DENND1A: variants seen among roughly 807,000 people sequenced by gnomAD.
DENND1A encodes the protein DENN domain-containing protein 1A.
Under a neutral mutation model 113.7 loss-of-function variants are expected in DENND1A, and 51 were observed. The observed-to-expected ratio is 0.45, with a 90% confidence interval of 0.36 to 0.57. DENND1A has a LOEUF of 0.57. Among genes scored for constraint, DENND1A ranks in the 20% least tolerant of loss-of-function variants. The probability of loss-of-function intolerance (pLI) is 0.00; values close to 1 mark genes in which losing one functional copy is unlikely to be tolerated. For synonymous variants in DENND1A, 565 were observed against 570.8 expected (o/e 0.99, Z 0.14); for missense variants, 1,258 against 1,395.9 (o/e 0.90, Z 1.57).
chr9:123,654,782 C>A (rs1022873334), intron 8 of DENND1A, among the ~76,000 whole-genome samples: 4 of 152,250 alleles, frequency 2.6e-5, no homozygotes, highest in Admixed American at 6.5e-5. Flanking sequence ...TCCTCCCCTG[C>A]CTCTTTCCTT....
At chr9:123,722,303 A>G (rs945791648) in intron 5 of DENND1A, among the ~76,000 whole-genome samples, 1 of 152,264 alleles carries the variant, frequency 6.6e-6, no homozygotes, top group African/African-American at 2.4e-5. Context: ...AAAGGCATTC[A>G]GTTTTAAAAG....
intron 1 of DENND1A, among the ~76,000 whole-genome samples, chr9:123,914,008 T>C (rs1854590950): frequency 6.6e-6 from 1 of 151,356 alleles, no homozygotes; most frequent in Non-Finnish European, 1.5e-5. Flanking sequence ...CCGAGAACTA[T>C]ACCACACATA....
intron 19 of DENND1A, among the ~76,000 whole-genome samples, chr9:123,412,557 GAACA>G (rs1243058958): frequency 1.3e-5 from 2 of 152,360 alleles, no homozygotes; most frequent in East Asian, 3.9e-4. Flanking sequence ...AGCGTCTGAT[GAACA>G]AATAAAATTT....
intron 21 of DENND1A, among the ~76,000 whole-genome samples, chr9:123,389,670 G>T (rs10985997): frequency 0.12 from 17,582 of 152,292 alleles, 1,229 homozygotes; most frequent in East Asian, 0.28. Context: ...TCTTGCTGCA[G>T]TTGGTGGTAT....
At chr9:123,829,742 G>A (rs572978409) in intron 2 of DENND1A, among the ~76,000 whole-genome samples, 3 of 152,210 alleles carry the variant, frequency 2.0e-5, no homozygotes, top group Non-Finnish European at 4.4e-5. Flanking sequence ...CATGTTTAAT[G>A]GAGAAAACTA....
At chr9:123,660,472 T>A (rs2063176717) in intron 8 of DENND1A, among the ~76,000 whole-genome samples, 1 of 151,984 alleles carries the variant, frequency 6.6e-6, no homozygotes. Context: ...AAAAACTTCC[T>A]AATCTCAATT....
intron 21 of DENND1A, among the ~76,000 whole-genome samples, chr9:123,393,439 G>T (rs1381567806): frequency 1.3e-5 from 2 of 152,072 alleles, no homozygotes; most frequent in African/African-American, 4.8e-5. Context: ...AGGAATCTCT[G>T]AAGTTCCAGC....
chr9:123,501,033 A>G (rs12236873), intron 13 of DENND1A, among the ~76,000 whole-genome samples: 38,703 of 152,106 alleles, frequency 0.25, 4,926 homozygotes, highest in South Asian at 0.29. Flanking sequence ...CATTATCACC[A>G]TCTATCTCCA....
chr9:123,450,224 C>G (rs1320754979), intron 18 of DENND1A, among the ~76,000 whole-genome samples: 1 of 152,160 alleles, frequency 6.6e-6, no homozygotes, highest in Non-Finnish European at 1.5e-5. Flanking sequence ...GGTAAGCCCA[C>G]GGCATTCTGC....
At chr9:123,781,617 C>A (rs1056990325) in intron 3 of DENND1A, among the ~76,000 whole-genome samples, 1 of 152,080 alleles carries the variant, frequency 6.6e-6, no homozygotes, top group African/African-American at 2.4e-5. Context: ...ACTTTTCCTG[C>A]CAATTCTACA....
At chr9:123,613,459 C>A (rs1219163319) in intron 10 of DENND1A, among the ~76,000 whole-genome samples, 1 of 152,176 alleles carries the variant, frequency 6.6e-6, no homozygotes, top group Non-Finnish European at 1.5e-5. Flanking sequence ...AAACCAAAAT[C>A]CATCTACTAG....
At chr9:123,453,252 T>C (rs1045272727) in intron 16 of DENND1A, among the ~76,000 whole-genome samples, 1 of 152,110 alleles carries the variant, frequency 6.6e-6, no homozygotes, top group Non-Finnish European at 1.5e-5. Context: ...ACGGCTGTAA[T>C]GGCTGTGTGC....
intron 19 of DENND1A, among the ~76,000 whole-genome samples, chr9:123,415,018 C>T (rs1281495658): frequency 1.3e-5 from 2 of 152,160 alleles, no homozygotes; most frequent in Non-Finnish European, 2.9e-5. Flanking sequence ...TTTTGCTTGT[C>T]CTCGGGAAGT....
At chr9:123,441,685 A>G (rs762630329) in intron 18 of DENND1A, among the ~76,000 whole-genome samples, 5 of 152,236 alleles carry the variant, frequency 3.3e-5, no homozygotes, top group Non-Finnish European at 5.9e-5. Flanking sequence ...TTAAACCTTC[A>G]TTGGAACAAG....
chr9:123,780,836 G>A (rs1831204921), intron 3 of DENND1A, among the ~76,000 whole-genome samples: 1 of 152,170 alleles, frequency 6.6e-6, no homozygotes. Context: ...TAAGTAACAA[G>A]TGGAAAGGGA....
At chr9:123,485,945 T>C (rs1340352091) in intron 13 of DENND1A, among the ~76,000 whole-genome samples, 1 of 152,204 alleles carries the variant, frequency 6.6e-6, no homozygotes, top group Admixed American at 6.5e-5. Flanking sequence ...TCCATCTCCC[T>C]GGCCCATGGG....
chr9:123,633,499 G>A (rs1210130433), intron 9 of DENND1A, among the ~76,000 whole-genome samples: 5 of 152,194 alleles, frequency 3.3e-5, no homozygotes, highest in African/African-American at 1.2e-4. Context: ...AACAGTTTGG[G>A]TGCGGTGGCT....
intron 13 of DENND1A, among the ~76,000 whole-genome samples, chr9:123,478,836 C>G (rs945651768): frequency 6.6e-6 from 1 of 152,166 alleles, no homozygotes; most frequent in Non-Finnish European, 1.5e-5. Context: ...GAGCCAGAAC[C>G]TCAAGGGATG....
chr9:123,413,369 T>G (rs779898980), intron 19 of DENND1A: 2 of 962,972 alleles, frequency 2.1e-6, no homozygotes, highest in Non-Finnish European at 2.5e-6. Context: ...CATTCAGAAT[T>G]CCACATGTGA....
Sources: gnomAD v4.1 joint callset for allele counts (sites outside exome capture counted in the v4.1 genomes callset) on GRCh38, gnomAD v4.1.1 for gene constraint, MANE v1.5 for transcripts, NCBI Gene and HGNC (gene_info 2026-07-23, HGNC 2026-07-21) for gene names.